WSB1: variants seen among roughly 807,000 people sequenced by gnomAD.
WSB1 encodes the protein WD repeat and SOCS box-containing protein 1.
In WSB1, 23 loss-of-function variants were observed where a neutral mutation model predicts 50.2. The observed-to-expected ratio is 0.46, with a 90% confidence interval of 0.33 to 0.65. The LOEUF (loss-of-function observed/expected upper bound fraction) is 0.65. Ranked by LOEUF, WSB1 falls within the 30% of genes least tolerant of loss-of-function variation. WSB1 has a pLI of 0.02. For missense variants in WSB1, 492 were observed against 522.3 expected (o/e 0.94, Z 0.56); for synonymous variants, 179 against 172.0 (o/e 1.04, Z -0.32).
At chr17:27,295,065 CT>C (rs2016897255) in intron 1 of WSB1, among the ~76,000 whole-genome samples, 1 of 152,120 alleles carries the variant, frequency 6.6e-6, no homozygotes, top group African/African-American at 2.4e-5. Context: ...CTGGAAAAGG[CT>C]TTTCTGGCTT....
chr17:27,305,474 T>C (rs898999811), intron 4 of WSB1, among the ~76,000 whole-genome samples: 5 of 152,256 alleles, frequency 3.3e-5, no homozygotes, highest in Admixed American at 6.5e-5. Context: ...TCTAAAGCCT[T>C]ACAAAGTTTT....
intron 7 of WSB1, among the ~76,000 whole-genome samples, chr17:27,311,224 A>G (rs1287559098): frequency 6.6e-6 from 1 of 152,222 alleles, no homozygotes; most frequent in Non-Finnish European, 1.5e-5. Flanking sequence ...TAGGAAAGTA[A>G]GGAGAAAGTT....
chr17:27,307,957 C>CT (rs2017526412), intron 5 of WSB1: 4 of 1,248,938 alleles, frequency 3.2e-6, no homozygotes, highest in South Asian at 3.5e-5. Context: ...TTCTTTCTTT[C>CT]TTTTTTTCTT....
Position 27,312,468 on chromosome 17 carries a change from G to A in WSB1, c.*99G>A. 6.7e-7 allele frequency: 1 copy of A among 1,484,274 alleles called. No individual in the cohort carries two copies. Among genetic ancestry groups the A allele is most frequent in the South Asian group, 1.3e-5 (1 of 79,476 alleles). The allele number at this position is 1,484,274 out of a possible 1,614,324, so 91.9% of individuals were successfully genotyped here. A position where few individuals can be genotyped will look rare whatever the true frequency, so the allele number is the denominator to read the frequency against. On this transcript the variant is annotated 3_prime_UTR_variant, in exon 9 of 9. Coordinates refer to ENST00000262394, the MANE Select transcript of WSB1 (RefSeq NM_015626.10). ...ATTATCTGTTTTTAAAGACGTAGAA[G>A]ATTTATTTAATTTGATATGTTCTTG... is the stretch of plus-strand genomic sequence containing the variant.
intron 5 of WSB1, chr17:27,307,622 G>C: frequency 1.0e-6 from 1 of 966,688 alleles, no homozygotes; most frequent in Non-Finnish European, 1.5e-6. Flanking sequence ...ATAAATGTTG[G>C]AAGTTTAAAG....
At position 27,309,223 on chromosome 17, in the gene WSB1, C is replaced by A. The variant is rs769447081; in HGVS notation, c.835C>A (p.Arg279=). 1.2e-6 allele frequency: 2 copies of A among 1,611,876 alleles called. No individual in the cohort carries two copies. The highest frequency in any genetic ancestry group is 2.2e-5 in the South Asian group (2 of 90,822). ...ACTGGCTACTGCATCTTATGATACT[C>A]GAGTATATATCTGGGATCCACATAA... The part of the protein sequence containing the change: ...ALLATASYDT[R]VYIWDPHNGD... Residue 279 remains arginine, a synonymous_variant, in exon 6 of 9, where the codon CGA becomes AGA. Coordinates refer to ENST00000262394, the MANE Select transcript of WSB1 (RefSeq NM_015626.10).
chr17:27,304,565 G>T (rs1287086173), intron 3 of WSB1, among the ~76,000 whole-genome samples: 3 of 84,666 alleles, frequency 3.5e-5, no homozygotes, highest in South Asian at 3.8e-4. Context: ...AAAAAAAAAA[G>T]GCCAGCCGTG....
Position 27,312,447 on chromosome 17 carries a change from T to C in WSB1, c.*78T>C. On this transcript the variant is annotated 3_prime_UTR_variant, in exon 9 of 9. Coordinates refer to ENST00000262394, the MANE Select transcript of WSB1 (RefSeq NM_015626.10). Reference sequence around the variant, plus strand: ...CCTCAAGCTTTACTGACTTCAATTATCTGTTTTTAAAGACGTAGAAGATTT... The same window carrying C: ...CCTCAAGCTTTACTGACTTCAATTACCTGTTTTTAAAGACGTAGAAGATTT... The C allele has an allele frequency of 1.1e-5, 17 of 1,547,018 alleles. No individual in the cohort carries two copies. The highest frequency in any genetic ancestry group is 1.4e-5 in the Non-Finnish European group (16 of 1,147,256).
chr17:27,306,945 T>TACA (rs2017487965), intron 5 of WSB1, 63 bp downstream of exon 5: 3 of 1,501,642 alleles, frequency 2.0e-6, no homozygotes, highest in Non-Finnish European at 2.8e-6. Context: ...TGCATAATCA[T>TACA]TTTAAATCTA....
At chr17:27,299,659 C>T (rs1217769065) in intron 1 of WSB1, among the ~76,000 whole-genome samples, 1 of 152,138 alleles carries the variant, frequency 6.6e-6, no homozygotes, top group African/African-American at 2.4e-5. Context: ...AGGGCCAGTA[C>T]TAACTAGAAT....
chr17:27,306,660 T>G, intron 4 of WSB1, 122 bp from the exon 5 acceptor site: 1 of 893,922 alleles, frequency 1.1e-6, no homozygotes, highest in Non-Finnish European at 1.7e-6. Flanking sequence ...TCGGTAACCC[T>G]TGTTATAGAT....
intron 1 of WSB1, among the ~76,000 whole-genome samples, chr17:27,301,115 C>G (rs1244140767): frequency 3.9e-5 from 6 of 152,136 alleles, no homozygotes; most frequent in Non-Finnish European, 7.3e-5. Flanking sequence ...CTCAAGTGAT[C>G]CGCTTGTCTT....
At chr17:27,312,121 C>T (rs1255104863) in intron 8 of WSB1, 89 bp from the exon 9 acceptor site, 3 of 1,504,588 alleles carry the variant, frequency 2.0e-6, no homozygotes, top group African/African-American at 1.4e-5. Flanking sequence ...CTCCACTACT[C>T]ACATGTATTG....
Position 27,297,618 on chromosome 17 carries a change from G to A in WSB1, c.40+3183G>A, listed in dbSNP as rs192503791. Among the ~76,000 whole-genome samples, 876 of 151,972 alleles carry A rather than the reference G, an allele frequency of 5.8e-3. 5 individuals are homozygous for A. Among genetic ancestry groups the A allele is most frequent in the Admixed American group, 9.6e-3 (146 of 15,252 alleles). On this transcript the variant is annotated intron_variant, in intron 1 of 8. Transcript: ENST00000262394. ...ACTACAGGTGCATGCCACCACACTC[G>A]CTAATTTTTTAAATTTTTTGTAGAG... is the stretch of plus-strand genomic sequence containing the variant.
chr17:27,307,474 C>T (rs193241589), intron 5 of WSB1: 2 of 491,552 alleles, frequency 4.1e-6, no homozygotes, highest in Non-Finnish European at 7.2e-6. Context: ...TTAAATTGAT[C>T]TCAGTAGCTT....
intron 1 of WSB1, among the ~76,000 whole-genome samples, chr17:27,296,417 A>T (rs146504793): frequency 6.6e-6 from 1 of 151,888 alleles, no homozygotes; most frequent in East Asian, 1.9e-4. Context: ...AAGGTTGAAC[A>T]TTTCTCTGCG....
At chr17:27,308,093 T>C (rs1378025995) in intron 5 of WSB1, 2 of 1,112,688 alleles carry the variant, frequency 1.8e-6, no homozygotes, top group Non-Finnish European at 2.2e-6. Flanking sequence ...TTTCAAATGG[T>C]TTCTCTGTGC....
chr17:27,309,816 C>T (rs1310746422), intron 6 of WSB1, among the ~76,000 whole-genome samples: 1 of 152,102 alleles, frequency 6.6e-6, no homozygotes, highest in African/African-American at 2.4e-5. Flanking sequence ...CTCTTGATCT[C>T]GTGATCCACC....
intron 8 of WSB1, among the ~76,000 whole-genome samples, 189 bp from the exon 9 acceptor site, chr17:27,312,021 T>A (rs550038758): frequency 1.4e-4 from 21 of 152,334 alleles, no homozygotes; most frequent in African/African-American, 5.1e-4. Flanking sequence ...AGTAAAACTC[T>A]AATAAGTGTT....
Sources: allele counts gnomAD v4.1 joint callset (sites outside exome capture counted in the v4.1 genomes callset), GRCh38; gene constraint gnomAD v4.1.1; transcripts MANE v1.5; gene names NCBI Gene and HGNC (gene_info 2026-07-23, HGNC 2026-07-21).